The following NRXN1 variants were observed in gnomAD, a reference collection of about 807,000 sequenced individuals.
NRXN1 encodes neurexin-1.
A neutral mutation model predicts 150.9 loss-of-function variants in NRXN1; 39 were observed. The observed-to-expected ratio is 0.26, with a 90% CI of 0.20 to 0.34. The LOEUF (loss-of-function observed/expected upper bound fraction) is 0.34. NRXN1 is among the 10% of genes least tolerant of loss of function. The pLI is 1.00. For synonymous variants in NRXN1, 924 were observed against 757.0 expected (o/e 1.22, Z -3.62); for missense variants, 1,815 against 1,949.9 (o/e 0.93, Z 1.30).
chr2:50,502,041 G>T (rs2091974371), intron 13 of NRXN1, among the ~76,000 whole-genome samples: 3 of 152,126 alleles, frequency 2.0e-5, no homozygotes, highest in Non-Finnish European at 4.4e-5. Flanking sequence ...TTTATGGGTG[G>T]CTTCAAGTGG....
chr2:50,409,031 A>G (rs562123304), intron 17 of NRXN1, among the ~76,000 whole-genome samples: 192 of 152,204 alleles, frequency 1.3e-3, no homozygotes, highest in African/African-American at 4.3e-3. Flanking sequence ...TCCTTTTTCA[A>G]GGGGAGGGGA....
intron 21 of NRXN1, among the ~76,000 whole-genome samples, chr2:50,001,886 T>C (rs1683988534): frequency 6.6e-6 from 1 of 151,948 alleles, no homozygotes; most frequent in Non-Finnish European, 1.5e-5. Context: ...TTAGGCTATG[T>C]TATAAAGACT....
intron 2 of NRXN1, among the ~76,000 whole-genome samples, chr2:51,016,128 T>C (rs1307106531): frequency 6.6e-6 from 1 of 151,784 alleles, no homozygotes; most frequent in African/African-American, 2.4e-5. Flanking sequence ...GGGGAAAGGA[T>C]TCCCTATTTA....
At chr2:51,011,541 G>C (rs1667867009) in intron 2 of NRXN1, among the ~76,000 whole-genome samples, 1 of 151,944 alleles carries the variant, frequency 6.6e-6, no homozygotes, top group South Asian at 2.1e-4. Context: ...TTTAAATGAT[G>C]GGTGAAATTT....
At chr2:50,393,610 C>G (rs749187246) in intron 17 of NRXN1, among the ~76,000 whole-genome samples, 1 of 152,074 alleles carries the variant, frequency 6.6e-6, no homozygotes, top group Non-Finnish European at 1.5e-5. Context: ...TATATTGTTC[C>G]TCACTTTTAT....
intron 18 of NRXN1, among the ~76,000 whole-genome samples, chr2:50,221,212 T>C (rs1205938613): frequency 1.3e-5 from 2 of 151,966 alleles, no homozygotes; most frequent in African/African-American, 4.8e-5. Flanking sequence ...ATCCCTCTTA[T>C]CTGTTCGCTG....
chr2:50,353,638 T>A (rs2078582248), intron 17 of NRXN1, among the ~76,000 whole-genome samples: 1 of 152,156 alleles, frequency 6.6e-6, no homozygotes, highest in Admixed American at 6.6e-5. Context: ...TTATTATTCT[T>A]TATTCATGTG....
At chr2:50,611,491 C>T (rs1468013620) in intron 8 of NRXN1, among the ~76,000 whole-genome samples, 1 of 152,140 alleles carries the variant, frequency 6.6e-6, no homozygotes, top group Non-Finnish European at 1.5e-5. Context: ...TCCTTGGGGA[C>T]CTGAGCAGAT....
intron 18 of NRXN1, among the ~76,000 whole-genome samples, chr2:50,113,644 G>T (rs6718257): frequency 0.43 from 65,733 of 151,942 alleles, 14,848 homozygotes; most frequent in Non-Finnish European, 0.48. Flanking sequence ...AAAAGCATAT[G>T]GAAAATGTAT....
At chr2:50,096,297 A>G (rs536684060) in intron 18 of NRXN1, among the ~76,000 whole-genome samples, 1 of 152,328 alleles carries the variant, frequency 6.6e-6, no homozygotes, top group South Asian at 2.1e-4. Context: ...AATAACAAGC[A>G]TATTTATAAG....
intron 19 of NRXN1, among the ~76,000 whole-genome samples, chr2:50,055,770 TG>T (rs969935409): frequency 3.9e-5 from 6 of 152,176 alleles, no homozygotes; most frequent in African/African-American, 1.2e-4. Flanking sequence ...AAATAACATT[TG>T]AAAAAATAAT....
At chr2:50,719,379 A>T (rs2105106964) in intron 5 of NRXN1, among the ~76,000 whole-genome samples, 1 of 152,264 alleles carries the variant, frequency 6.6e-6, no homozygotes, top group East Asian at 1.9e-4. Flanking sequence ...ATTTAAAATA[A>T]GTTTCGTTTT....
At chr2:50,960,482 G>T (rs1260168040) in intron 2 of NRXN1, among the ~76,000 whole-genome samples, 2 of 151,852 alleles carry the variant, frequency 1.3e-5, no homozygotes, top group Non-Finnish European at 2.9e-5. Context: ...GCTTAAAAAA[G>T]AATTATTACA....
At chr2:50,872,428 A>G (rs952715276) in intron 5 of NRXN1, among the ~76,000 whole-genome samples, 1 of 151,414 alleles carries the variant, frequency 6.6e-6, no homozygotes, top group South Asian at 2.1e-4. Flanking sequence ...TTGAATGGGG[A>G]GCGAGTAGTG....
In NRXN1 at chr2:49,987,527, A is replaced by G. The variant is rs17039598; in HGVS notation, c.4129-43736T>C. ...TTACAAACCTTAGGTATCACTTTAC[A>G]GCATGTGGTAAGCCTGCCTGGAACC... On this transcript the variant is annotated intron_variant, in intron 21 of 22. Coordinates refer to ENST00000401669, the MANE Select transcript of NRXN1 (RefSeq NM_001330078.2). 4.6e-3 allele frequency among the ~76,000 whole-genome samples: 704 copies of G among 152,296 alleles called. 5 individuals are homozygous for G. The highest frequency in any genetic ancestry group is 0.016 in the African/African-American group (648 of 41,562).
intron 18 of NRXN1, among the ~76,000 whole-genome samples, chr2:50,109,132 T>G (rs1702042386): frequency 6.6e-6 from 1 of 152,134 alleles, no homozygotes; most frequent in Non-Finnish European, 1.5e-5. Flanking sequence ...ATGGATACAT[T>G]AAAAATTATT....
chr2:50,791,314 CAAAAA>C (rs60728323), intron 5 of NRXN1, among the ~76,000 whole-genome samples: 1 of 111,688 alleles, frequency 9.0e-6, no homozygotes, highest in African/African-American at 3.5e-5. Context: ...CTGCTTGCTA[CAAAAA>C]AAAAAAAAAA....
intron 5 of NRXN1, among the ~76,000 whole-genome samples, chr2:50,769,352 T>G (rs1197125238): frequency 6.6e-6 from 1 of 152,110 alleles, no homozygotes; most frequent in Non-Finnish European, 1.5e-5. Context: ...AGAAACCTGC[T>G]GTCTCTCTAA....
intron 5 of NRXN1, among the ~76,000 whole-genome samples, chr2:50,830,718 C>A (rs1332851980): frequency 2.7e-5 from 4 of 149,448 alleles, no homozygotes; most frequent in African/African-American, 7.4e-5. Flanking sequence ...CATCTCCTCC[C>A]ATACTAGATT....
Sources: gnomAD v4.1 joint callset for allele counts (sites outside exome capture counted in the v4.1 genomes callset) on GRCh38, gnomAD v4.1.1 for gene constraint, MANE v1.5 for transcripts, NCBI Gene and HGNC (gene_info 2026-07-23, HGNC 2026-07-21) for gene names.